The following ZFYVE28 variants were observed in gnomAD, a reference collection of about 807,000 sequenced individuals.
The protein encoded by ZFYVE28 is zinc finger FYVE-type containing 28.
Under a neutral mutation model 82.1 loss-of-function variants are expected in ZFYVE28, and 40 were observed. That is an observed-to-expected ratio of 0.49 (90% CI 0.38 to 0.63). The LOEUF is 0.63. Ranked by LOEUF, ZFYVE28 falls within the 30% of genes least tolerant of loss-of-function variation. The pLI is 0.00. For missense variants in ZFYVE28, 1,321 were observed against 1,242.1 expected, an observed-to-expected ratio of 1.06 and a Z score of -0.96; for synonymous variants, 612 against 546.1, an observed-to-expected ratio of 1.12 and a Z score of -1.68.
chr4:2,348,694 C>A (rs758412723), intron 2 of ZFYVE28, among the ~76,000 whole-genome samples: 5 of 152,124 alleles, frequency 3.3e-5, no homozygotes, highest in African/African-American at 2.4e-5. Flanking sequence ...GGGATTGGGT[C>A]CTGGCATCTA....
intron 7 of ZFYVE28, among the ~76,000 whole-genome samples, chr4:2,308,560 G>T (rs940831577): frequency 6.8e-6 from 1 of 147,294 alleles, no homozygotes; most frequent in Non-Finnish European, 1.5e-5. Flanking sequence ...GAAAGAAAGA[G>T]AAAGGAAAGA....
intron 1 of ZFYVE28, among the ~76,000 whole-genome samples, chr4:2,380,998 A>G (rs769808612): frequency 2.5e-4 from 38 of 152,234 alleles, no homozygotes; most frequent in Admixed American, 1.3e-3. Context: ...TTGGAAGAGA[A>G]TAACAGGCAG....
At chr4:2,274,253 G>C (rs1187039813) in intron 8 of ZFYVE28, 37 bp from the exon 9 acceptor site, 1 of 1,597,958 alleles carries the variant, frequency 6.3e-7, no homozygotes, top group Non-Finnish European at 8.6e-7. Context: ...GTGGGGTGGG[G>C]CATGATAAGG....
In ZFYVE28 at chr4:2,320,454, G is replaced by A. The variant is rs1199448129; in HGVS notation, c.702-183C>T. ...GCATTGTAAATAAGTTTAGAAAAAA[G>A]CAGTGAGAATTATTACCCAGACTTC... On this transcript the variant is annotated intron_variant, in intron 6 of 12. Transcript: ENST00000290974. The surrounding 1 kb of genome is among the most constrained non-coding windows in gnomAD (Gnocchi z 5.1). Among the ~76,000 whole-genome samples, 1 of 152,212 alleles carries A rather than the reference G, an allele frequency of 6.6e-6. No individual in the cohort carries two copies. Among genetic ancestry groups the A allele is most frequent in the Non-Finnish European group, 1.5e-5 (1 of 68,028 alleles).
At chr4:2,329,241 C>A in intron 6 of ZFYVE28, 2 of 496,788 alleles carry the variant, frequency 4.0e-6, no homozygotes, top group East Asian at 3.1e-5. Context: ...TAAGTCTTCC[C>A]ATCCATGAAC....
intron 6 of ZFYVE28, among the ~76,000 whole-genome samples, chr4:2,325,430 C>T (rs1719711204): frequency 6.6e-6 from 1 of 152,102 alleles, no homozygotes; most frequent in South Asian, 2.1e-4. Flanking sequence ...ATCACTCTAA[C>T]CTATATCTGC....
intron 7 of ZFYVE28, among the ~76,000 whole-genome samples, chr4:2,308,204 C>G (rs1386819085): frequency 2.0e-5 from 3 of 151,870 alleles, no homozygotes; most frequent in African/African-American, 7.3e-5. Context: ...ACCGTAGCCT[C>G]GACCTCCTGG....
intron 1 of ZFYVE28, among the ~76,000 whole-genome samples, chr4:2,376,467 A>G (rs1728157636): frequency 6.6e-6 from 1 of 151,642 alleles, no homozygotes; most frequent in Admixed American, 6.6e-5. Flanking sequence ...AGACTGGGTA[A>G]TTTGCAAAGG....
intron 8 of ZFYVE28, among the ~76,000 whole-genome samples, chr4:2,291,965 G>A (rs1247166503): frequency 6.6e-6 from 1 of 152,168 alleles, no homozygotes; most frequent in Non-Finnish European, 1.5e-5. Flanking sequence ...GTCTCAATGG[G>A]CCAGGCTCCA....
intron 7 of ZFYVE28, among the ~76,000 whole-genome samples, chr4:2,312,405 T>C (rs1044063226): frequency 2.6e-5 from 4 of 151,754 alleles, no homozygotes; most frequent in African/African-American, 9.7e-5. Context: ...AAATTTCCAT[T>C]GACTTCTGCA....
intron 1 of ZFYVE28, among the ~76,000 whole-genome samples, chr4:2,413,037 C>G (rs192717796): frequency 3.9e-5 from 6 of 152,304 alleles, no homozygotes; most frequent in Admixed American, 2.6e-4. Flanking sequence ...CCTGCCCTGC[C>G]AGGGAAGGAG....
At chr4:2,294,645 G>A (rs7660280) in intron 8 of ZFYVE28, among the ~76,000 whole-genome samples, 1 of 152,050 alleles carries the variant, frequency 6.6e-6, no homozygotes, top group Non-Finnish European at 1.5e-5. Flanking sequence ...GATACTGTTA[G>A]AATGAAAAGA....
At chr4:2,286,270 GCTAAT>G (rs1712725075) in intron 8 of ZFYVE28, 1 of 152,622 alleles carries the variant, frequency 6.6e-6, no homozygotes, top group Non-Finnish European at 1.5e-5. Flanking sequence ...CCTGCTTCCT[GCTAAT>G]GAGACCTAAG....
At chr4:2,393,633 A>C (rs1301694546) in intron 1 of ZFYVE28, among the ~76,000 whole-genome samples, 1 of 152,168 alleles carries the variant, frequency 6.6e-6, no homozygotes, top group Non-Finnish European at 1.5e-5. Flanking sequence ...GACTCTATAA[A>C]AAGGACATCA....
intron 8 of ZFYVE28, among the ~76,000 whole-genome samples, chr4:2,289,661 C>G (rs1412615704): frequency 6.6e-6 from 1 of 152,198 alleles, no homozygotes; most frequent in Non-Finnish European, 1.5e-5. Context: ...CAGGTGTGAG[C>G]CACAGCACCT....
chr4:2,289,120 T>C (rs561096367), intron 8 of ZFYVE28, among the ~76,000 whole-genome samples: 1 of 152,302 alleles, frequency 6.6e-6, no homozygotes, highest in South Asian at 2.1e-4. Context: ...TAGTCTCTTC[T>C]AAAAATACAA....
chr4:2,272,078 A>G (rs1220767057), intron 10 of ZFYVE28, among the ~76,000 whole-genome samples: 2 of 152,236 alleles, frequency 1.3e-5, no homozygotes, highest in East Asian at 1.9e-4. Context: ...CCAGGACTGC[A>G]GCTCACAACC....
At chr4:2,354,762 A>G (rs1355150606) in intron 1 of ZFYVE28, among the ~76,000 whole-genome samples, 1 of 151,922 alleles carries the variant, frequency 6.6e-6, no homozygotes, top group African/African-American at 2.4e-5. Context: ...CCCGGCCAGG[A>G]AATATTTTTT....
At chr4:2,360,330 T>C (rs1725952719) in intron 1 of ZFYVE28, among the ~76,000 whole-genome samples, 1 of 150,664 alleles carries the variant, frequency 6.6e-6, no homozygotes, top group Non-Finnish European at 1.5e-5. Context: ...TTCAGTAAAT[T>C]AAAGACCTTA....
Sources: allele counts gnomAD v4.1 joint callset (sites outside exome capture counted in the v4.1 genomes callset), GRCh38; gene constraint gnomAD v4.1.1; non-coding constraint Gnocchi (gnomAD v3.1); transcripts MANE v1.5; gene names NCBI Gene and HGNC (gene_info 2026-07-23, HGNC 2026-07-21).